Variants in NOS1AP observed in about 807,000 individuals in gnomAD.
NOS1AP encodes the protein carboxyl-terminal PDZ ligand of neuronal nitric oxide synthase protein.
NOS1AP carries 21 observed loss-of-function variants against 56.2 expected under a neutral mutation model. That is an observed-to-expected ratio of 0.37 (90% CI 0.26 to 0.54). The LOEUF (loss-of-function observed/expected upper bound fraction) is 0.54, where lower values mean the gene tolerates loss of function less well. NOS1AP is among the 20% of genes least tolerant of loss of function. The pLI is 0.84. For missense variants in NOS1AP, 522 were observed against 657.8 expected (o/e 0.79, Z 2.26); for synonymous variants, 270 against 274.6 (o/e 0.98, Z 0.17).
intron 2 of NOS1AP, among the ~76,000 whole-genome samples, chr1:162,242,923 A>G (rs1023371729): frequency 6.6e-6 from 1 of 152,142 alleles, no homozygotes; most frequent in Admixed American, 6.5e-5. Flanking sequence ...GAAAATGAGC[A>G]TTATTTAATA....
intron 4 of NOS1AP, among the ~76,000 whole-genome samples, chr1:162,310,137 A>G (rs1655977488): frequency 6.6e-6 from 1 of 152,106 alleles, no homozygotes; most frequent in African/African-American, 2.4e-5. Context: ...CTCCAACTCA[A>G]ATCCCGGAAT....
chr1:162,265,599 A>G (rs1266601440), intron 2 of NOS1AP, among the ~76,000 whole-genome samples: 1 of 152,052 alleles, frequency 6.6e-6, no homozygotes, highest in Non-Finnish European at 1.5e-5. Context: ...TTATGAGAAT[A>G]CGCAGTTTCA....
chr1:162,119,861 G>A (rs1475857187), intron 1 of NOS1AP, among the ~76,000 whole-genome samples: 2 of 152,174 alleles, frequency 1.3e-5, no homozygotes, highest in South Asian at 2.1e-4. Flanking sequence ...GACTTGAAGA[G>A]TGAAACATAT....
intron 6 of NOS1AP, among the ~76,000 whole-genome samples, chr1:162,351,371 G>A (rs765744304): frequency 6.6e-6 from 1 of 152,204 alleles, no homozygotes; most frequent in Non-Finnish European, 1.5e-5. Context: ...TAACTCAGGA[G>A]TATTTTTTCA....
intron 1 of NOS1AP, among the ~76,000 whole-genome samples, chr1:162,077,344 C>T (rs1210665955): frequency 6.6e-6 from 1 of 151,068 alleles, no homozygotes; most frequent in Non-Finnish European, 1.5e-5. Context: ...AGGAAGCAGA[C>T]TCAGAGAAAA....
At chr1:162,088,835 T>C (rs1692062030) in intron 1 of NOS1AP, among the ~76,000 whole-genome samples, 1 of 152,152 alleles carries the variant, frequency 6.6e-6, no homozygotes, top group South Asian at 2.1e-4. Context: ...TGTGTGTGTG[T>C]CCAGGGCTGA....
At chr1:162,251,626 G>A (rs973269132) in intron 2 of NOS1AP, among the ~76,000 whole-genome samples, 3 of 151,488 alleles carry the variant, frequency 2.0e-5, no homozygotes, top group Non-Finnish European at 2.9e-5. Context: ...GTGTGTGTGT[G>A]TGTGTGTCTG....
chr1:162,285,015 A>G (rs1198133762), intron 2 of NOS1AP, among the ~76,000 whole-genome samples: 1 of 152,224 alleles, frequency 6.6e-6, no homozygotes, highest in Non-Finnish European at 1.5e-5. Context: ...TAGGTACTTG[A>G]TATTTCTGCT....
chr1:162,309,383 A>G (rs758711161), intron 4 of NOS1AP, among the ~76,000 whole-genome samples: 5 of 152,354 alleles, frequency 3.3e-5, no homozygotes, highest in East Asian at 1.9e-4. Context: ...GGGGAAAAAT[A>G]TATTGCCTAC....
chr1:162,261,388 A>C, intron 2 of NOS1AP, among the ~76,000 whole-genome samples: 1 of 133,580 alleles, frequency 7.5e-6, no homozygotes, highest in African/African-American at 3.0e-5. Context: ...AAGAATCTTG[A>C]GATGGGAGAT....
intron 1 of NOS1AP, among the ~76,000 whole-genome samples, chr1:162,149,665 G>A (rs940293016): frequency 6.6e-6 from 1 of 152,172 alleles, no homozygotes; most frequent in Admixed American, 6.5e-5. Context: ...TGGATGTTTA[G>A]CTTTTGTCTA....
intron 1 of NOS1AP, among the ~76,000 whole-genome samples, chr1:162,081,227 T>G (rs1691878797): frequency 6.6e-6 from 1 of 152,206 alleles, no homozygotes; most frequent in Non-Finnish European, 1.5e-5. Context: ...TAGGTTGGAT[T>G]GAATAGGCAA....
rs1281216942 is a variant in NOS1AP at position 162,219,994 on chromosome 1, G to T, written c.177+65518G>T. Reference sequence around the variant, plus strand: ...CACTCAGGCTGGAGTGCAGTGGCACGATCATACCTCACTGCAACCTCAAAC... The same window carrying T: ...CACTCAGGCTGGAGTGCAGTGGCACTATCATACCTCACTGCAACCTCAAAC... On this transcript the variant is annotated intron_variant, in intron 2 of 9. Coordinates refer to ENST00000361897, the MANE Select transcript of NOS1AP (RefSeq NM_014697.3). 2.0e-5 allele frequency among the ~76,000 whole-genome samples: 3 copies of T among 152,280 alleles called. No homozygotes were observed. The South Asian group carries it at 6.2e-4, about 32-fold the overall frequency.
At position 162,367,330 on chromosome 1, in the gene NOS1AP, A is replaced by G. The variant is rs768467814; in HGVS notation, c.1384A>G (p.Ile462Val). The G allele has an allele frequency of 3.1e-6, 5 of 1,613,234 alleles. No individual in the cohort carries two copies. Among genetic ancestry groups the G allele is most frequent in the Non-Finnish European group, 4.2e-6 (5 of 1,179,918 alleles). ...LELIKFRESG[I>V]ASEYESNTDE... ...GCTCATCAAGTTCCGAGAGTCAGGC[A>G]TCGCCTCGGAGTACGAGTCCAACAC... Residue 462 changes from isoleucine (I) to valine (V), a missense_variant, in exon 10 of 10, where the codon ATC becomes GTC. Around this residue, in one of 4 missense-constraint regions of NOS1AP, gnomAD observed 160 missense variants for 180.3 expected, o/e 0.89. Transcript: ENST00000361897. This position sits in a 1 kb window ranked among gnomAD's most constrained non-coding sequence, Gnocchi z 6.5.
chr1:162,114,078 G>T (rs1647824359), intron 1 of NOS1AP, among the ~76,000 whole-genome samples: 1 of 152,170 alleles, frequency 6.6e-6, no homozygotes, highest in South Asian at 2.1e-4. Context: ...TCAGTTTAAG[G>T]TGGCACAGTG....
intron 8 of NOS1AP, among the ~76,000 whole-genome samples, chr1:162,359,656 G>A (rs746042721): frequency 6.6e-6 from 1 of 151,956 alleles, no homozygotes; most frequent in Non-Finnish European, 1.5e-5. Flanking sequence ...TAATAGGTGG[G>A]TCTTCTTGGC....
At chr1:162,126,153 A>G (rs1344493593) in intron 1 of NOS1AP, among the ~76,000 whole-genome samples, 1 of 152,168 alleles carries the variant, frequency 6.6e-6, no homozygotes, top group Non-Finnish European at 1.5e-5. Context: ...TACTGAATTC[A>G]TTTATCAGAG....
intron 2 of NOS1AP, among the ~76,000 whole-genome samples, chr1:162,207,860 T>G (rs371104841): frequency 6.6e-6 from 1 of 152,248 alleles, no homozygotes; most frequent in South Asian, 2.1e-4. Context: ...CTCAGTTTCT[T>G]ATAATGCACA....
intron 2 of NOS1AP, among the ~76,000 whole-genome samples, chr1:162,241,281 C>T (rs959674128): frequency 6.6e-5 from 10 of 152,306 alleles, no homozygotes; most frequent in Admixed American, 5.2e-4. Flanking sequence ...TAATGCTTAG[C>T]ATGTGCCAGG....
Sources: allele counts gnomAD v4.1 joint callset (sites outside exome capture counted in the v4.1 genomes callset), GRCh38; gene constraint gnomAD v4.1.1; regional missense constraint gnomAD v4.1.1; non-coding constraint Gnocchi (gnomAD v3.1); transcripts MANE v1.5; gene names NCBI Gene and HGNC (gene_info 2026-07-23, HGNC 2026-07-21).